Variants in RNF111 observed in about 807,000 individuals in gnomAD.
RNF111 encodes E3 ubiquitin-protein ligase Arkadia.
Under a neutral mutation model 95.1 loss-of-function variants are expected in RNF111, and 17 were observed. That is an observed-to-expected ratio of 0.18 (90% CI 0.12 to 0.27). The LOEUF (loss-of-function observed/expected upper bound fraction) is 0.27, where lower values mean the gene tolerates loss of function less well. RNF111 is among the 10% of genes least tolerant of loss of function. The pLI is 1.00. For missense variants in RNF111, 1,189 were observed against 1,210.4 expected (o/e 0.98, Z 0.26); for synonymous variants, 440 against 414.8 (o/e 1.06, Z -0.74).
intron 7 of RNF111, among the ~76,000 whole-genome samples, chr15:59,080,304 G>A (rs1187460887): frequency 6.6e-6 from 1 of 151,642 alleles, no homozygotes; most frequent in East Asian, 1.9e-4. Flanking sequence ...TATTTTTAGT[G>A]GAGACGGGGC....
chr15:59,016,321 CA>C (rs1380919013), intron 1 of RNF111, among the ~76,000 whole-genome samples: 1 of 151,998 alleles, frequency 6.6e-6, no homozygotes, highest in Non-Finnish European at 1.5e-5. Flanking sequence ...AGGCACGCAC[CA>C]CCACGCCCAG....
At chr15:59,017,750 A>C (rs1421531325) in intron 1 of RNF111, among the ~76,000 whole-genome samples, 2 of 122,992 alleles carry the variant, frequency 1.6e-5, no homozygotes, top group African/African-American at 3.2e-5. Flanking sequence ...TATTTGTTGA[A>C]CTCTTTTTTT....
At chr15:59,015,022 A>G (rs2040002461) in intron 1 of RNF111, among the ~76,000 whole-genome samples, 1 of 152,124 alleles carries the variant, frequency 6.6e-6, no homozygotes, top group Non-Finnish European at 1.5e-5. Context: ...GTGCTGGGAT[A>G]ATACGTGTGA....
chr15:59,055,898 A>G, intron 4 of RNF111, 53 bp downstream of exon 4: 1 of 1,445,064 alleles, frequency 6.9e-7, no homozygotes, highest in African/African-American at 1.4e-5. Flanking sequence ...GATAAAAGGA[A>G]ATCTCTTAAT....
Position 59,081,283 on chromosome 15 carries a change from A to G in RNF111, c.2296A>G (p.Thr766Ala), listed in dbSNP as rs766068230. 1 of 1,609,528 alleles carries G rather than the reference A, an allele frequency of 6.2e-7. No individual in the cohort carries two copies. Among genetic ancestry groups the G allele is most frequent in the Non-Finnish European group, 8.5e-7 (1 of 1,176,370 alleles). ...AAGGAGGAGGATGATGCAGCATCCA[A>G]CGTATGTTTTACGTTTTTAAAAAGA... ...VQRRRMMQHP[T>A]RAHERPPPHP... Residue 766 changes from threonine to alanine, a missense_variant and splice_region_variant, in exon 8 of 14, where the codon ACG (threonine) becomes GCG (alanine). Coordinates refer to ENST00000348370, the MANE Select transcript of RNF111 (RefSeq NM_017610.8).
intron 1 of RNF111, among the ~76,000 whole-genome samples, chr15:58,998,156 G>A (rs1241580033): frequency 1.3e-5 from 2 of 151,912 alleles, no homozygotes; most frequent in Non-Finnish European, 2.9e-5. Context: ...GCCAGCCTCG[G>A]CCTCCCAAAG....
chr15:59,048,030 A>T (rs1298520267), intron 2 of RNF111, among the ~76,000 whole-genome samples: 1 of 152,232 alleles, frequency 6.6e-6, no homozygotes, highest in South Asian at 2.1e-4. Context: ...TTGTAGAGCC[A>T]CTTAGGGAAA....
chr15:59,037,208 A>T (rs1319771260), intron 2 of RNF111, among the ~76,000 whole-genome samples: 1 of 152,120 alleles, frequency 6.6e-6, no homozygotes, highest in Non-Finnish European at 1.5e-5. Context: ...ATTGGCTTTT[A>T]ACTTTATTAG....
At position 59,084,626 on chromosome 15, in the gene RNF111, T is replaced by C. The variant is rs1425324071; in HGVS notation, c.2423+372T>C. ...TGATCATTTCTTTGTGGTGAGTATA[T>C]TTAAAATCTTTTGTCGCAGTTTTGA... is the stretch of plus-strand genomic sequence containing the variant. On this transcript the variant is annotated intron_variant, in intron 9 of 13. Coordinates refer to ENST00000348370, the MANE Select transcript of RNF111 (RefSeq NM_017610.8). 2.0e-5 allele frequency among the ~76,000 whole-genome samples: 3 copies of C among 152,214 alleles called. No homozygotes were observed. In the East Asian group the frequency reaches 5.8e-4, roughly 29 times the overall value.
chr15:59,062,841 CTT>C (rs1408223143), intron 5 of RNF111, among the ~76,000 whole-genome samples: 13 of 152,150 alleles, frequency 8.5e-5, no homozygotes, highest in Admixed American at 2.0e-4. Flanking sequence ...CTACTATTGA[CTT>C]TGGGCCAGAT....
chr15:59,093,043 T>C (rs760609260), intron 13 of RNF111, among the ~76,000 whole-genome samples: 1 of 152,128 alleles, frequency 6.6e-6, no homozygotes, highest in Non-Finnish European at 1.5e-5. Context: ...CAAATAAAGA[T>C]TACTTTTGGC....
In RNF111 at chr15:59,061,577, A is replaced by G. The variant is rs534939818; in HGVS notation, c.1366+3027A>G. 7.2e-5 allele frequency among the ~76,000 whole-genome samples: 11 copies of G among 152,300 alleles called. No individual in the cohort carries two copies. In the South Asian group the frequency reaches 8.3e-4, roughly 11 times the overall value. On this transcript the variant is annotated intron_variant, in intron 5 of 13. Coordinates refer to ENST00000348370, the MANE Select transcript of RNF111 (RefSeq NM_017610.8). ...TAAGCATGAACTCCTGCAACTTCCAATGCCTCCATATAAACTTTTGTGGCT... is the reference window on the plus strand; with the variant it reads ...TAAGCATGAACTCCTGCAACTTCCAGTGCCTCCATATAAACTTTTGTGGCT...
chr15:59,018,229 A>G (rs535185351), intron 1 of RNF111, among the ~76,000 whole-genome samples: 8 of 152,354 alleles, frequency 5.3e-5, no homozygotes, highest in African/African-American at 1.9e-4. Context: ...TTTGTAGACT[A>G]ACATCAGTAA....
intron 1 of RNF111, among the ~76,000 whole-genome samples, chr15:59,013,684 G>A (rs989089058): frequency 1.3e-5 from 2 of 152,162 alleles, no homozygotes; most frequent in Non-Finnish European, 2.9e-5. Flanking sequence ...TGGGGGAGGG[G>A]TTGTTAAGTT....
At chr15:59,015,238 CT>C (rs529140398) in intron 1 of RNF111, among the ~76,000 whole-genome samples, 3 of 152,132 alleles carry the variant, frequency 2.0e-5, no homozygotes, top group East Asian at 3.9e-4. Context: ...ATAGAAGTCA[CT>C]TATGTTTTCC....
intron 5 of RNF111, among the ~76,000 whole-genome samples, chr15:59,063,720 A>G (rs758639991): frequency 1.4e-4 from 22 of 152,202 alleles, no homozygotes; most frequent in Non-Finnish European, 2.4e-4. Context: ...CTCGAAGGCA[A>G]AAGAGGACAA....
rs1294158812 is a variant in RNF111 at position 59,076,310 on chromosome 15, T to G, written c.1948+95T>G. On this transcript the variant is annotated intron_variant, in intron 7 of 13. Coordinates refer to ENST00000348370, the MANE Select transcript of RNF111 (RefSeq NM_017610.8). ...ATAACCTTTAATCCCAGTTCTTAAA[T>G]TTTTAGTATTTACTTGGCTTAAGAG... The G allele has an allele frequency of 8.6e-6, 12 of 1,402,912 alleles. No homozygotes were observed. In the South Asian group the frequency reaches 1.6e-4, roughly 19 times the overall value. The allele number at this position is 1,402,912 out of a possible 1,614,324, so 86.9% of individuals were successfully genotyped here. A position where few individuals can be genotyped will look rare whatever the true frequency, so the allele number is the denominator to read the frequency against.
intron 5 of RNF111, among the ~76,000 whole-genome samples, chr15:59,064,106 G>C (rs768404441): frequency 6.6e-6 from 1 of 152,146 alleles, no homozygotes; most frequent in Non-Finnish European, 1.5e-5. Flanking sequence ...AGCCCTAAAA[G>C]ACTTTTGATC....
Position 59,096,205 on chromosome 15 carries a change from G to C in RNF111, c.*1305G>C, listed in dbSNP as rs2079174251. On this transcript the variant is annotated 3_prime_UTR_variant, in exon 14 of 14. Transcript: ENST00000348370. The stretch of plus-strand genomic sequence containing the variant: ...TTGGAGGAAGTTTTAATCTACTTCA[G>C]GATGCATATTATTATCAAGATACTT... 1 of 396,312 alleles carries C rather than the reference G, an allele frequency of 2.5e-6. No individual in the cohort carries two copies. The highest frequency in any genetic ancestry group is 1.4e-4 in the South Asian group (1 of 7,190). The allele number at this position is 396,312 out of a possible 1,614,324, so 24.5% of individuals were successfully genotyped here.
Sources: gnomAD v4.1 joint callset for allele counts (sites outside exome capture counted in the v4.1 genomes callset) on GRCh38, gnomAD v4.1.1 for gene constraint, MANE v1.5 for transcripts, NCBI Gene and HGNC (gene_info 2026-07-23, HGNC 2026-07-21) for gene names.